Variants in PPP4R1 observed in about 807,000 individuals in gnomAD.
The protein encoded by PPP4R1 is serine/threonine-protein phosphatase 4 regulatory subunit 1.
Under a neutral mutation model 111.2 loss-of-function variants are expected in PPP4R1, and 42 were observed. The observed-to-expected ratio is 0.38, with a 90% CI of 0.29 to 0.49. PPP4R1 has a LOEUF of 0.49. Ranked by LOEUF, PPP4R1 falls within the 20% of genes least tolerant of loss-of-function variation. The pLI is 0.97. For missense variants in PPP4R1, 1,012 were observed against 1,161.6 expected, an observed-to-expected ratio of 0.87 and a Z score of 1.87; for synonymous variants, 409 against 405.5, an observed-to-expected ratio of 1.01 and a Z score of -0.10.
At chr18:9,551,047 G>C (rs946224975) in intron 16 of PPP4R1, 2 of 152,294 alleles carry the variant, frequency 1.3e-5, no homozygotes, top group Non-Finnish European at 2.9e-5. Context: ...ACTGTAACAT[G>C]AATATAGATT....
intron 2 of PPP4R1, among the ~76,000 whole-genome samples, chr18:9,605,948 T>C (rs1356120636): frequency 1.3e-5 from 2 of 152,204 alleles, no homozygotes; most frequent in African/African-American, 2.4e-5. Context: ...TGTACATAAC[T>C]GTATAGAGAA....
At chr18:9,569,059 A>G (rs1253441290) in intron 11 of PPP4R1, among the ~76,000 whole-genome samples, 2 of 152,010 alleles carry the variant, frequency 1.3e-5, no homozygotes, top group Non-Finnish European at 2.9e-5. Flanking sequence ...AGCTGGGTGC[A>G]GTGGCACATG....
chr18:9,606,115 C>T (rs987403827), intron 2 of PPP4R1, among the ~76,000 whole-genome samples: 7 of 152,136 alleles, frequency 4.6e-5, no homozygotes, highest in East Asian at 3.8e-4. Context: ...ATTAGGTTTA[C>T]GGTCTTATTT....
intron 16 of PPP4R1, chr18:9,551,368 G>T (rs773177286): frequency 6.6e-6 from 1 of 152,318 alleles, no homozygotes; most frequent in East Asian, 1.9e-4. Context: ...ACAGGGCAGG[G>T]AGAAATCAGC....
chr18:9,591,651 A>AT (rs1330184403), intron 4 of PPP4R1, among the ~76,000 whole-genome samples: 2 of 152,206 alleles, frequency 1.3e-5, no homozygotes, highest in African/African-American at 4.8e-5. Flanking sequence ...AGCTATCACA[A>AT]TAAGCCCAGT....
chr18:9,574,988 C>A (rs1262777292), intron 10 of PPP4R1, among the ~76,000 whole-genome samples: 1 of 152,168 alleles, frequency 6.6e-6, no homozygotes, highest in Non-Finnish European at 1.5e-5. Flanking sequence ...TAGGCTTTAT[C>A]AGCACTTTCA....
intron 9 of PPP4R1, among the ~76,000 whole-genome samples, chr18:9,581,767 C>T (rs562457676): frequency 2.0e-5 from 3 of 152,034 alleles, no homozygotes; most frequent in Non-Finnish European, 4.4e-5. Flanking sequence ...GGTGCACATA[C>T]GGACACATCA....
At chr18:9,606,415 T>C (rs1279321306) in intron 2 of PPP4R1, among the ~76,000 whole-genome samples, 2 of 152,248 alleles carry the variant, frequency 1.3e-5, no homozygotes, top group African/African-American at 2.4e-5. Flanking sequence ...AAAGATCATA[T>C]GGTCCACAAA....
At position 9,614,099 on chromosome 18, in the gene PPP4R1, C is replaced by G; in HGVS notation, c.52+127G>C. On this transcript the variant is annotated intron_variant, in intron 2 of 19. Coordinates refer to ENST00000400556, the MANE Select transcript of PPP4R1 (RefSeq NM_001042388.3). This position sits in a 1 kb window ranked among gnomAD's most constrained non-coding sequence, Gnocchi z 4.1. ...TTTCCCCCCCGATCGCCACCCCAGC[C>G]CGCCTGGGGCCGCCCTCGCCCACCG... 1.2e-6 allele frequency: 1 copy of G among 843,046 alleles called. No homozygotes were observed. Among genetic ancestry groups the G allele is most frequent in the Non-Finnish European group, 1.5e-6 (1 of 648,038 alleles). 52.2% of individuals were successfully genotyped at this position (843,046 alleles called of 1,614,324 possible).
Position 9,562,035 on chromosome 18 carries a change from T to A in PPP4R1, c.1787A>T (p.Asp596Val). Reference protein sequence around the residue: ...STLHYIHSDSDLSNNSSFSPD... With the variant: ...STLHYIHSDSVLSNNSSFSPD... Reference sequence around the variant, plus strand: ...GCTAAAACTGCTATTGTTGCTCAAGTCTGAATCGCTGTGAATATAGTGAAG... The same window carrying A: ...GCTAAAACTGCTATTGTTGCTCAAGACTGAATCGCTGTGAATATAGTGAAG... The change falls in exon 13 of 20, where the codon GAC (aspartate) becomes GTC (valine). Residue 596 changes from aspartate (D) to valine (V), a missense_variant. Asp to Val is a radical substitution (Grantham distance 152, BLOSUM62 -3). Coordinates refer to ENST00000400556, the MANE Select transcript of PPP4R1 (RefSeq NM_001042388.3). 6.2e-7 allele frequency: 1 copy of A among 1,613,386 alleles called. No individual in the cohort carries two copies. Among genetic ancestry groups the A allele is most frequent in the Non-Finnish European group, 8.5e-7 (1 of 1,179,440 alleles).
intron 2 of PPP4R1, among the ~76,000 whole-genome samples, chr18:9,611,968 G>A (rs545116036): frequency 2.6e-5 from 4 of 151,334 alleles, no homozygotes; most frequent in African/African-American, 9.7e-5. Flanking sequence ...CCGAGATCGC[G>A]CCATTTTGCA....
chr18:9,561,715 T>C (rs1280106757), intron 13 of PPP4R1, among the ~76,000 whole-genome samples: 2 of 152,176 alleles, frequency 1.3e-5, no homozygotes, highest in African/African-American at 2.4e-5. Context: ...TATGTTTATG[T>C]GCCCATGAAA....
At chr18:9,584,412 T>A in intron 8 of PPP4R1, 103 bp downstream of exon 8, 1 of 966,248 alleles carries the variant, frequency 1.0e-6, no homozygotes, top group Non-Finnish European at 1.5e-6. Context: ...TTTATATTCA[T>A]GGAATTGTGT....
chr18:9,588,287 T>C (rs771220789), intron 5 of PPP4R1, 52 bp from the exon 6 acceptor site: 2 of 1,545,174 alleles, frequency 1.3e-6, no homozygotes, highest in South Asian at 1.2e-5. Context: ...ATGACAAAAT[T>C]CTATCACTTG....
At position 9,549,086 on chromosome 18, in the gene PPP4R1, GATT is replaced by G. The variant is rs970097546; in HGVS notation, c.2689+108_2689+110del. ...ACAACTAAAGTATTTCCTTCCACCA[GATT>G]ATTTTCTCTGAGCAGACAATACTTC... On this transcript the variant is annotated intron_variant, in intron 19 of 19. Transcript: ENST00000400556. 9 of 1,345,130 alleles carry G rather than the reference GATT, an allele frequency of 6.7e-6. No individual in the cohort carries two copies. The South Asian group carries it at 6.7e-5, about 10-fold the overall frequency. 83.3% of individuals were successfully genotyped at this position (1,345,130 alleles called of 1,614,324 possible).
At chr18:9,580,377 TC>T (rs2067007683) in intron 9 of PPP4R1, among the ~76,000 whole-genome samples, 1 of 148,284 alleles carries the variant, frequency 6.7e-6, no homozygotes, top group Admixed American at 6.8e-5. Context: ...TGAGACAGAG[TC>T]TCGCTCTATT....
At chr18:9,578,586 T>C (rs1179937520) in intron 9 of PPP4R1, among the ~76,000 whole-genome samples, 1 of 152,082 alleles carries the variant, frequency 6.6e-6, no homozygotes, top group African/African-American at 2.4e-5. Context: ...TAATACCTTT[T>C]TCAAGTTTAA....
Position 9,607,386 on chromosome 18 carries a change from C to A in PPP4R1, c.52+6840G>T, listed in dbSNP as rs80316287. Reference sequence around the variant, plus strand: ...AAAAAAAAAAAAACAAAAACAGAAACATGGATAAATGAAAGTCAAAACCGA... The same window carrying A: ...AAAAAAAAAAAAACAAAAACAGAAAAATGGATAAATGAAAGTCAAAACCGA... On this transcript the variant is annotated intron_variant, in intron 2 of 19. Transcript: ENST00000400556. Among the ~76,000 whole-genome samples the A allele has an allele frequency of 3.7e-3, 548 of 149,630 alleles. 9 individuals carry two copies. Among genetic ancestry groups the A allele is most frequent in the Admixed American group, 0.024 (361 of 15,030 alleles).
intron 8 of PPP4R1, among the ~76,000 whole-genome samples, 154 bp from the exon 9 acceptor site, chr18:9,583,429 C>T (rs1388015146): frequency 6.6e-6 from 1 of 152,156 alleles, no homozygotes; most frequent in East Asian, 1.9e-4. Context: ...TGAGGTGGTG[C>T]GATCTTGGCT....
Sources: gnomAD v4.1 joint callset for allele counts (sites outside exome capture counted in the v4.1 genomes callset) on GRCh38, gnomAD v4.1.1 for gene constraint, Gnocchi (gnomAD v3.1) non-coding constraint, MANE v1.5 for transcripts, NCBI Gene and HGNC (gene_info 2026-07-23, HGNC 2026-07-21) for gene names.